GRIK5: variants seen among roughly 807,000 people sequenced by gnomAD.
The protein encoded by GRIK5 is glutamate ionotropic receptor kainate type subunit 5, also known as glutamate receptor ionotropic, kainate 5.
A neutral mutation model predicts 97.4 loss-of-function variants in GRIK5; 43 were observed. The observed-to-expected ratio is 0.44, with a 90% CI of 0.35 to 0.57. The LOEUF (loss-of-function observed/expected upper bound fraction) is 0.57. Ranked by LOEUF, GRIK5 falls within the 20% of genes least tolerant of loss-of-function variation. The probability of loss-of-function intolerance (pLI) is 0.01; values close to 1 mark genes in which losing one functional copy is unlikely to be tolerated. For synonymous variants in GRIK5, 580 were observed against 583.5 expected, an observed-to-expected ratio of 0.99 and a Z score of 0.09; for missense variants, 1,015 against 1,382.0, an observed-to-expected ratio of 0.73 and a Z score of 4.21.
chr19:42,065,419 CCTG>C lies in GRIK5; in HGVS notation c.80-35_80-33del. On this transcript the variant is annotated intron_variant, in intron 2 of 19. Coordinates refer to ENST00000593562, the MANE Select transcript of GRIK5 (RefSeq NM_002088.5). This position sits in a 1 kb window ranked among gnomAD's most constrained non-coding sequence, Gnocchi z 5.8. Reference sequence around the variant, plus strand: ...GGACACATGGGTTGGGGACCAGACTCCTGAGTCCTGAGGAAGGAGGGGGCTGTG... The same window carrying C: ...GGACACATGGGTTGGGGACCAGACTCAGTCCTGAGGAAGGAGGGGGCTGTG... The C allele has an allele frequency of 6.5e-7, 1 of 1,548,406 alleles. No homozygotes were observed. Among genetic ancestry groups the C allele is most frequent in the Non-Finnish European group, 8.7e-7 (1 of 1,145,904 alleles).
Position 42,003,305 on chromosome 19 carries a change from G to GGCCCCCCCCCCCCCCCC in GRIK5, c.2514+26_2514+27insGGGGGGGGGGGGGGGGC. On this transcript the variant is annotated intron_variant, in intron 19 of 19. Coordinates refer to ENST00000593562, the MANE Select transcript of GRIK5 (RefSeq NM_002088.5). The surrounding 1 kb of genome is among the most constrained non-coding windows in gnomAD (Gnocchi z 4.2). ...TCAGCCCCTGGGGGTCCCTGTTCCT[G>GGCCCCCCCCCCCCCCCC]CCCACCCCCACCCCCAGCCTCCTCA... The GGCCCCCCCCCCCCCCCC allele has an allele frequency of 6.5e-7, 1 of 1,540,746 alleles. No homozygotes were observed. The highest frequency in any genetic ancestry group is 8.9e-7 in the Non-Finnish European group (1 of 1,118,206).
At position 42,062,576 on chromosome 19, in the gene GRIK5, G is replaced by A; in HGVS notation, c.420C>T (p.Pro140=). The A allele has an allele frequency of 1.2e-6, 2 of 1,614,168 alleles. No individual in the cohort carries two copies. The highest frequency in any genetic ancestry group is 8.5e-7 in the Non-Finnish European group (1 of 1,179,992). Residue 140 remains proline, a synonymous_variant, in exon 5 of 20, where the codon CCC becomes CCT. Transcript: ENST00000593562. The surrounding 1 kb of genome is among the most constrained non-coding windows in gnomAD (Gnocchi z 5.3). The stretch of plus-strand genomic sequence containing the variant: ...CCGCCAAGCTGACGTCCTCGTTACT[G>A]GGGTACAGGCTGACAGACGCGAAGC... The part of the protein sequence containing the change: ...YLRFASVSLY[P]SNEDVSLAVS...
At chr19:42,035,286 G>C (rs1429913506) in intron 12 of GRIK5, among the ~76,000 whole-genome samples, 1 of 152,048 alleles carries the variant, frequency 6.6e-6, no homozygotes, top group East Asian at 1.9e-4. Flanking sequence ...TGGCCTAAAC[G>C]TAGCTGTTTT....
chr19:42,026,383 G>A (rs535876207), intron 12 of GRIK5, among the ~76,000 whole-genome samples: 3 of 151,710 alleles, frequency 2.0e-5, no homozygotes, highest in Non-Finnish European at 4.4e-5. Flanking sequence ...TCAGTCTCCC[G>A]AGTAGCTGGG....
At position 42,022,383 on chromosome 19, in the gene GRIK5, G is replaced by C; in HGVS notation, c.1474-29C>G. The C allele has an allele frequency of 6.4e-7, 1 of 1,572,012 alleles. No homozygotes were observed. Among genetic ancestry groups the C allele is most frequent in the Non-Finnish European group, 8.7e-7 (1 of 1,144,760 alleles). ...CTGGAGGGGAAGCCGGGCAGGGGTG[G>C]AGGGGGACAGAGGGGAAGACAGAAG... On this transcript the variant is annotated intron_variant, in intron 12 of 19. Transcript: ENST00000593562. This position sits in a 1 kb window ranked among gnomAD's most constrained non-coding sequence, Gnocchi z 4.2.
chr19:42,030,717 G>A (rs1374285248), intron 12 of GRIK5, among the ~76,000 whole-genome samples: 8 of 151,928 alleles, frequency 5.3e-5, no homozygotes, highest in Non-Finnish European at 1.2e-4. Flanking sequence ...TCCTGCCTTA[G>A]CCTTCCAAAG....
At chr19:42,035,503 C>T (rs1022197794) in intron 12 of GRIK5, among the ~76,000 whole-genome samples, 3 of 151,788 alleles carry the variant, frequency 2.0e-5, no homozygotes, top group Non-Finnish European at 4.4e-5. Flanking sequence ...GGTCAGGAGT[C>T]GAGACCAGCC....
intron 15 of GRIK5, among the ~76,000 whole-genome samples, chr19:42,016,544 C>G (rs1395519440): frequency 2.0e-5 from 3 of 152,154 alleles, no homozygotes; most frequent in African/African-American, 4.8e-5. Flanking sequence ...TGGGGCCACT[C>G]ACTAAGGCAG....
intron 12 of GRIK5, among the ~76,000 whole-genome samples, chr19:42,041,140 C>T (rs945622002): frequency 6.6e-6 from 1 of 152,192 alleles, no homozygotes; most frequent in Non-Finnish European, 1.5e-5. Flanking sequence ...GGATAAACGT[C>T]CTTGTCAAGC....
intron 9 of GRIK5, 120 bp from the exon 10 acceptor site, chr19:42,054,049 AAG>A: frequency 1.5e-6 from 1 of 689,344 alleles, no homozygotes; most frequent in African/African-American, 1.8e-5. Context: ...TGGAGGGGAC[AAG>A]AGAGAGAAGA....
rs1293939240 is a variant in GRIK5 at position 42,056,994 on chromosome 19, G to C, written c.688-16C>G. The C allele has an allele frequency of 6.5e-7, 1 of 1,548,580 alleles. No individual in the cohort carries two copies. The highest frequency in any genetic ancestry group is 8.7e-7 in the Non-Finnish European group (1 of 1,143,812). On this transcript the variant is annotated splice_polypyrimidine_tract_variant and intron_variant, in intron 6 of 19. Transcript: ENST00000593562. ...GTTCCGAGGCCTGGAAAACACAGGA[G>C]GCAAAGAGGCAGAGTGAGAGACAGA...
chr19:42,041,752 C>T (rs1247373906), intron 12 of GRIK5, among the ~76,000 whole-genome samples: 1 of 152,156 alleles, frequency 6.6e-6, no homozygotes, highest in African/African-American at 2.4e-5. Context: ...TGCTATTTCC[C>T]CTGCTCCAAA....
rs149580233 is a variant in GRIK5, at chr19:42,031,424, T to C, written c.1474-9070A>G. On this transcript the variant is annotated intron_variant, in intron 12 of 19. Coordinates refer to ENST00000593562, the MANE Select transcript of GRIK5 (RefSeq NM_002088.5). ...GACTCCATGGGTCAGTGCGCCAACG[T>C]GGGATTCTGCCAGCTACCATGTGTG... 5.3e-5 allele frequency among the ~76,000 whole-genome samples: 8 copies of C among 152,306 alleles called. No homozygotes were observed. In the East Asian group the frequency reaches 1.5e-3, roughly 29 times the overall value.
chr19:42,054,482 G>T lies in GRIK5; in HGVS notation c.904-10C>A. The stretch of plus-strand genomic sequence containing the variant: ...TCAGGGCGGCTGACAGCTGCGGTGG[G>T]ACAGAGGCGGGGGTGGGATGGATAA... On this transcript the variant is annotated splice_polypyrimidine_tract_variant and intron_variant, in intron 8 of 19. Coordinates refer to ENST00000593562, the MANE Select transcript of GRIK5 (RefSeq NM_002088.5). The T allele has an allele frequency of 6.2e-7, 1 of 1,610,688 alleles. No individual in the cohort carries two copies.
At chr19:42,052,916 G>C (rs1204142691) in intron 11 of GRIK5, among the ~76,000 whole-genome samples, 1 of 152,240 alleles carries the variant, frequency 6.6e-6, no homozygotes, top group Non-Finnish European at 1.5e-5. Context: ...CCCTCAAAAG[G>C]GGGAAATAAG....
At chr19:42,039,957 G>T (rs1400786871) in intron 12 of GRIK5, among the ~76,000 whole-genome samples, 1 of 151,932 alleles carries the variant, frequency 6.6e-6, no homozygotes, top group African/African-American at 2.4e-5. Context: ...TCCAGCCTGG[G>T]CAACAGAGAG....
At chr19:42,054,013 C>A (rs2076149793) in intron 9 of GRIK5, 84 bp from the exon 10 acceptor site, 2 of 883,482 alleles carry the variant, frequency 2.3e-6, no homozygotes, top group South Asian at 1.4e-5. Context: ...GAGACATCCA[C>A]AGAGAAAGGC....
chr19:42,039,347 C>A (rs2075949620), intron 12 of GRIK5, among the ~76,000 whole-genome samples: 1 of 152,212 alleles, frequency 6.6e-6, no homozygotes, highest in Admixed American at 6.5e-5. Context: ...GTGGCATGCG[C>A]CTGTAGTCCC....
At position 42,006,506 on chromosome 19, in the gene GRIK5, G is replaced by C; in HGVS notation, c.2037+139C>G. ...CTGCGAGCCCCATGACAGCACATGT[G>C]TGTTTTCTGCTCCCCAGCCTCCAGG... On this transcript the variant is annotated intron_variant, in intron 16 of 19. Transcript: ENST00000593562. The surrounding 1 kb of genome is among the most constrained non-coding windows in gnomAD (Gnocchi z 5.3). 1.4e-6 allele frequency: 1 copy of C among 723,954 alleles called. No individual in the cohort carries two copies. The highest frequency in any genetic ancestry group is 2.3e-6 in the Non-Finnish European group (1 of 429,776). The allele number at this position is 723,954 out of a possible 1,614,324, so 44.8% of individuals were successfully genotyped here.
Sources: gnomAD v4.1 joint callset for allele counts (sites outside exome capture counted in the v4.1 genomes callset) on GRCh38, gnomAD v4.1.1 for gene constraint, Gnocchi (gnomAD v3.1) non-coding constraint, MANE v1.5 for transcripts, NCBI Gene and HGNC (gene_info 2026-07-23, HGNC 2026-07-21) for gene names.